The following KCNQ1 variants were observed in gnomAD, a reference collection of about 807,000 sequenced individuals.
KCNQ1 encodes potassium voltage-gated channel subfamily KQT member 1.
KCNQ1 carries 49 observed loss-of-function variants against 72.4 expected under a neutral mutation model. That is an observed-to-expected ratio of 0.68 (90% CI 0.54 to 0.86). The LOEUF (loss-of-function observed/expected upper bound fraction) is 0.86. Ranked by LOEUF, KCNQ1 falls within the 40% of genes least tolerant of loss-of-function variation. The pLI is 0.00. For synonymous variants in KCNQ1, 450 were observed against 412.6 expected (o/e 1.09, Z -1.10); for missense variants, 790 against 945.1 (o/e 0.84, Z 2.15).
In KCNQ1 at chr11:2,654,342, G is replaced by A. The variant is rs1849803591; in HGVS notation, c.1394-7619G>A. ...CAGGGAGGGGGCTTCTACTTGCAAA[G>A]GATAGGGAGAGCTTCTGTTCATCCT... On this transcript the variant is annotated intron_variant, in intron 10 of 15. Coordinates refer to ENST00000155840, the MANE Select transcript of KCNQ1 (RefSeq NM_000218.3). The surrounding 1 kb of genome is among the most constrained non-coding windows in gnomAD (Gnocchi z 6.4). 1 of 398,716 alleles carries A rather than the reference G, an allele frequency of 2.5e-6. No individual in the cohort carries two copies. Among genetic ancestry groups the A allele is most frequent in the South Asian group, 1.3e-4 (1 of 7,860 alleles). 24.7% of individuals were successfully genotyped at this position (398,716 alleles called of 1,614,324 possible). A position where few individuals can be genotyped will look rare whatever the true frequency, so the allele number is the denominator to read the frequency against.
rs1404848452 is a variant in KCNQ1 at position 2,477,918 on chromosome 11, C to T, written c.386+32434C>T. Among the ~76,000 whole-genome samples, 1 of 152,104 alleles carries T rather than the reference C, an allele frequency of 6.6e-6. No individual in the cohort carries two copies. Among genetic ancestry groups the T allele is most frequent in the East Asian group, 1.9e-4 (1 of 5,200 alleles). On this transcript the variant is annotated intron_variant, in intron 1 of 15. Coordinates refer to ENST00000155840, the MANE Select transcript of KCNQ1 (RefSeq NM_000218.3). This position sits in a 1 kb window ranked among gnomAD's most constrained non-coding sequence, Gnocchi z 5.0. Reference sequence around the variant, plus strand: ...GGGCTGGAAGGCCATCAAGGAAACCCCGTGGCAGGGGCAGGGGTTCAAAGA... The same window carrying T: ...GGGCTGGAAGGCCATCAAGGAAACCTCGTGGCAGGGGCAGGGGTTCAAAGA...
rs975421996 is a variant in KCNQ1 at position 2,647,594 on chromosome 11, T to G, written c.1394-14367T>G. On this transcript the variant is annotated intron_variant, in intron 10 of 15. Transcript: ENST00000155840. This position sits in a 1 kb window ranked among gnomAD's most constrained non-coding sequence, Gnocchi z 4.0. Reference sequence around the variant, plus strand: ...GAATTCATGTTAGTTCTTTAAAGGTTTGGTAGAATTCAGTAGAAAACCCGT... The same window carrying G: ...GAATTCATGTTAGTTCTTTAAAGGTGTGGTAGAATTCAGTAGAAAACCCGT... 2 of 398,426 alleles carry G rather than the reference T, an allele frequency of 5.0e-6. No homozygotes were observed. The highest frequency in any genetic ancestry group is 8.8e-6 in the Non-Finnish European group (2 of 226,050). 24.7% of individuals were successfully genotyped at this position (398,426 alleles called of 1,614,324 possible).
rs1846509744 is a variant in KCNQ1, at chr11:2,767,007, T to C, written c.1515-1837T>C. 6.6e-6 allele frequency among the ~76,000 whole-genome samples: 1 copy of C among 152,138 alleles called. No individual in the cohort carries two copies. The highest frequency in any genetic ancestry group is 1.5e-5 in the Non-Finnish European group (1 of 68,012). On this transcript the variant is annotated intron_variant, in intron 11 of 15. Transcript: ENST00000155840. This position sits in a 1 kb window ranked among gnomAD's most constrained non-coding sequence, Gnocchi z 4.6. ...TCCTAGCCAACATGATCAAACCCTG[T>C]CTCTACTAAAAATACAAAAATTAGC...
At chr11:2,667,614 T>C (rs975884442) in intron 11 of KCNQ1, 1 of 398,508 alleles carries the variant, frequency 2.5e-6, no homozygotes, top group African/African-American at 2.1e-5. Context: ...ACATCCCATA[T>C]AGATCTCTTG....
intron 15 of KCNQ1, among the ~76,000 whole-genome samples, chr11:2,845,192 TC>T (rs1328254938): frequency 1.3e-5 from 2 of 152,024 alleles, no homozygotes; most frequent in Non-Finnish European, 2.9e-5. Flanking sequence ...CTCAGGCCGG[TC>T]CCCCTCCCAG....
intron 11 of KCNQ1, among the ~76,000 whole-genome samples, chr11:2,717,195 G>T (rs1190823601): frequency 6.6e-6 from 1 of 152,168 alleles, no homozygotes; most frequent in African/African-American, 2.4e-5. Context: ...ACACAGACTG[G>T]GCCTGGCATG....
intron 15 of KCNQ1, among the ~76,000 whole-genome samples, chr11:2,793,585 C>T (rs1212334797): frequency 6.6e-6 from 1 of 152,192 alleles, no homozygotes; most frequent in East Asian, 1.9e-4. Flanking sequence ...GATCACACCA[C>T]TGCACTCTAG....
Position 2,592,162 on chromosome 11 carries a change from A to C in KCNQ1, c.1393+3308A>C, listed in dbSNP as rs538962736. ...ACCTGTCTGCGCCATCCACCTGCAC[A>C]CAAGCCCCTTCAGCTCGTGCTCTAG... On this transcript the variant is annotated intron_variant, in intron 10 of 15. Transcript: ENST00000155840. The surrounding 1 kb of genome is among the most constrained non-coding windows in gnomAD (Gnocchi z 5.2). 6.6e-6 allele frequency among the ~76,000 whole-genome samples: 1 copy of C among 152,344 alleles called. No homozygotes were observed. The highest frequency in any genetic ancestry group is 1.9e-4 in the East Asian group (1 of 5,182).
intron 11 of KCNQ1, chr11:2,667,745 G>C: frequency 2.5e-6 from 1 of 398,750 alleles, no homozygotes; most frequent in Non-Finnish European, 4.4e-6. Context: ...GAGTGGGATG[G>C]GGCTGGGCCT....
intron 10 of KCNQ1, chr11:2,616,213 T>TC: frequency 2.5e-6 from 1 of 397,456 alleles, no homozygotes; most frequent in Non-Finnish European, 4.4e-6. Context: ...TGTTTTTTTT[T>TC]CTTATTTTTG....
rs559596659 is a variant in KCNQ1 at position 2,715,803 on chromosome 11, C to T, written c.1515-53041C>T. On this transcript the variant is annotated intron_variant, in intron 11 of 15. Transcript: ENST00000155840. The surrounding 1 kb of genome is among the most constrained non-coding windows in gnomAD (Gnocchi z 4.9). ...TTGACCAGCTGGAGCAGCCCCGCAT[C>T]CCACATCCCCGCAGCCTTGCGCTGG... is the stretch of plus-strand genomic sequence containing the variant. Among the ~76,000 whole-genome samples, 1 of 152,364 alleles carries T rather than the reference C, an allele frequency of 6.6e-6. No homozygotes were observed. Among genetic ancestry groups the T allele is most frequent in the South Asian group, 2.1e-4 (1 of 4,834 alleles).
At chr11:2,801,339 G>C (rs1564898546) in intron 15 of KCNQ1, among the ~76,000 whole-genome samples, 1 of 152,238 alleles carries the variant, frequency 6.6e-6, no homozygotes, top group Non-Finnish European at 1.5e-5. Context: ...TAGCTCTCCA[G>C]CTTCCTGCTG....
chr11:2,643,364 A>G (rs1849609122), intron 10 of KCNQ1: 1 of 398,204 alleles, frequency 2.5e-6, no homozygotes, highest in South Asian at 1.3e-4. Flanking sequence ...TATGTTTAGA[A>G]TTGTTATATC....
At chr11:2,793,629 A>C (rs1473072835) in intron 15 of KCNQ1, among the ~76,000 whole-genome samples, 2 of 152,208 alleles carry the variant, frequency 1.3e-5, no homozygotes, top group Non-Finnish European at 2.9e-5. Context: ...ATCTCTAAAA[A>C]TAAAAGTAAG....
chr11:2,835,198 T>A (rs11819853), intron 15 of KCNQ1, among the ~76,000 whole-genome samples: 95,175 of 151,996 alleles, frequency 0.63, 29,974 homozygotes, highest in East Asian at 0.74. Context: ...AGCAGTGAGG[T>A]TGGACATCCA....
Position 2,536,993 on chromosome 11 carries a change from C to G in KCNQ1, c.477+8975C>G, listed in dbSNP as rs930556778. ...GTGAGTCTGGAGCCAAATTTCTCCT[C>G]TATGTAAGGACACCAGTCTTACTGG... On this transcript the variant is annotated intron_variant, in intron 2 of 15. Transcript: ENST00000155840. The surrounding 1 kb of genome is among the most constrained non-coding windows in gnomAD (Gnocchi z 7.4). Among the ~76,000 whole-genome samples the G allele has an allele frequency of 1.4e-4, 21 of 152,012 alleles. No individual in the cohort carries two copies. The highest frequency in any genetic ancestry group is 5.1e-4 in the African/African-American group (21 of 41,290).
At position 2,809,444 on chromosome 11, in the gene KCNQ1, C is replaced by A. The variant is rs909359212; in HGVS notation, c.1794+31407C>A. Among the ~76,000 whole-genome samples, 4 of 152,142 alleles carry A rather than the reference C, an allele frequency of 2.6e-5. No homozygotes were observed. Among genetic ancestry groups the A allele is most frequent in the African/African-American group, 4.8e-5 (2 of 41,434 alleles). On this transcript the variant is annotated intron_variant, in intron 15 of 15. Coordinates refer to ENST00000155840, the MANE Select transcript of KCNQ1 (RefSeq NM_000218.3). The surrounding 1 kb of genome is among the most constrained non-coding windows in gnomAD (Gnocchi z 7.1). ...GTGTTCATTTATGGGTTGTTGTTACCGTGGCATTGGTCCAGGTTTGTGATA... is the reference window on the plus strand; with the variant it reads ...GTGTTCATTTATGGGTTGTTGTTACAGTGGCATTGGTCCAGGTTTGTGATA...
At chr11:2,689,464 CT>C (rs1850552721) in intron 11 of KCNQ1, 1 of 398,586 alleles carries the variant, frequency 2.5e-6, no homozygotes, top group South Asian at 1.3e-4. Flanking sequence ...CCAGAGACCT[CT>C]GCTCTGCCTA....
At chr11:2,472,411 C>T (rs1013495975) in intron 1 of KCNQ1, among the ~76,000 whole-genome samples, 2 of 151,082 alleles carry the variant, frequency 1.3e-5, no homozygotes, top group African/African-American at 4.9e-5. Flanking sequence ...TGTGTGTGCA[C>T]CTATGGGTGT....
Sources: gnomAD v4.1 joint callset for allele counts (sites outside exome capture counted in the v4.1 genomes callset) on GRCh38, gnomAD v4.1.1 for gene constraint, Gnocchi (gnomAD v3.1) non-coding constraint, MANE v1.5 for transcripts, NCBI Gene and HGNC (gene_info 2026-07-23, HGNC 2026-07-21) for gene names.